The following POLE variants were observed in gnomAD, a reference collection of about 807,000 sequenced individuals.
POLE encodes DNA polymerase epsilon catalytic subunit A.
In POLE, 188 loss-of-function variants were observed where a neutral mutation model predicts 279.2. The ratio of observed to expected loss-of-function variants is 0.67; its 90% CI spans 0.60 to 0.76. The LOEUF (loss-of-function observed/expected upper bound fraction) is 0.76. Among genes scored for constraint, POLE ranks in the 30% least tolerant of loss-of-function variants. The pLI is 0.00. For missense variants in POLE, 2,703 were observed against 3,016.7 expected (o/e 0.90, Z 2.44); for synonymous variants, 1,214 against 1,172.5 (o/e 1.04, Z -0.72).
intron 23 of POLE, among the ~76,000 whole-genome samples, chr12:132,663,076 G>A (rs545683976): frequency 1.3e-5 from 2 of 152,286 alleles, no homozygotes; most frequent in African/African-American, 2.4e-5. Context: ...CATCAGCAAC[G>A]CTAACACAGT....
chr12:132,642,433 G>T (rs564288101), intron 37 of POLE, 36 bp from the exon 38 acceptor site: 1 of 1,592,736 alleles, frequency 6.3e-7, no homozygotes. Flanking sequence ...GGGGCACATC[G>T]CCGGGTCACA....
chr12:132,671,262 C>CAAA (rs397850854), intron 16 of POLE, among the ~76,000 whole-genome samples: 10 of 64,474 alleles, frequency 1.6e-4, no homozygotes, highest in South Asian at 6.8e-4. Context: ...GACTCCGTCT[C>CAAA]AAAAAAAAAA....
At position 132,643,582 on chromosome 12, in the gene POLE, G is replaced by A. The variant is rs759282531; in HGVS notation, c.4291-22C>T. 2 of 1,613,684 alleles carry A rather than the reference G, an allele frequency of 1.2e-6. No homozygotes were observed. Among genetic ancestry groups the A allele is most frequent in the Non-Finnish European group, 1.7e-6 (2 of 1,179,878 alleles). On this transcript the variant is annotated intron_variant, in intron 33 of 48. Transcript: ENST00000320574. ...GAACCTGGAAGAATCGGGCAGACAG[G>A]CCGGCAAGGGCTGGATGGTGGGGGC...
chr12:132,640,090 TC>T (rs1266415510), intron 39 of POLE, among the ~76,000 whole-genome samples: 2 of 152,056 alleles, frequency 1.3e-5, no homozygotes, highest in African/African-American at 2.4e-5. Flanking sequence ...TCCCGCCACT[TC>T]CTTTAAATGG....
At chr12:132,678,040 T>C (rs2043095586) in intron 6 of POLE, among the ~76,000 whole-genome samples, 1 of 151,910 alleles carries the variant, frequency 6.6e-6, no homozygotes, top group Admixed American at 6.6e-5. Flanking sequence ...TAGCCAGGCG[T>C]GGTGGCGCAT....
intron 27 of POLE, 150 bp from the exon 28 acceptor site, chr12:132,657,579 A>G: frequency 1.4e-6 from 1 of 723,962 alleles, no homozygotes; most frequent in East Asian, 2.7e-5. Flanking sequence ...ACAACAGAGG[A>G]CACCAAGGCA....
At chr12:132,665,701 A>C (rs537134472) in intron 20 of POLE, among the ~76,000 whole-genome samples, 1 of 152,158 alleles carries the variant, frequency 6.6e-6, no homozygotes, top group Admixed American at 6.5e-5. Context: ...CTGACATCCT[A>C]AACGCTTCAG....
At chr12:132,686,840 T>C (rs894491736) in intron 1 of POLE, among the ~76,000 whole-genome samples, 29 of 151,264 alleles carry the variant, frequency 1.9e-4, no homozygotes, top group African/African-American at 4.4e-4. Context: ...CCCCCAGCGC[T>C]AGGCCCCCAG....
intron 32 of POLE, among the ~76,000 whole-genome samples, chr12:132,648,036 G>A (rs1237648414): frequency 6.6e-6 from 1 of 152,138 alleles, no homozygotes; most frequent in Non-Finnish European, 1.5e-5. Context: ...CACTTCTTAC[G>A]TGATTCACAG....
chr12:132,658,775 TGA>T (rs2042607084), intron 26 of POLE: 1 of 156,340 alleles, frequency 6.4e-6, no homozygotes, highest in South Asian at 1.7e-4. Flanking sequence ...AAGCCCTGTG[TGA>T]CCCCAACCTA....
At chr12:132,673,390 AG>A (rs1331510229) in intron 13 of POLE, 113 bp from the exon 14 acceptor site, 1 of 1,147,092 alleles carries the variant, frequency 8.7e-7, no homozygotes, top group Non-Finnish European at 1.3e-6. Context: ...CACAGTAAGG[AG>A]ACCGGCACAG....
intron 40 of POLE, 108 bp from the exon 41 acceptor site, chr12:132,638,247 A>T: frequency 1.1e-6 from 1 of 951,924 alleles, no homozygotes; most frequent in Non-Finnish European, 1.5e-6. Context: ...GAAGCAGAAA[A>T]GCCTCCGAGA....
rs2041993956 is a variant in POLE at position 132,634,336 on chromosome 12, T to C, written c.5854A>G (p.Asn1952Asp). Residue 1952 changes from asparagine to aspartate, a missense_variant, in exon 43 of 49, where the codon AAT becomes GAT. By Grantham distance (23) the Asn-to-Asp change is conservative (BLOSUM62 1). Around this residue, in one of 5 missense-constraint regions of POLE, gnomAD observed 1,551 missense variants for 1,686.1 expected, o/e 0.92. Transcript: ENST00000320574. The surrounding 1 kb of genome is among the most constrained non-coding windows in gnomAD (Gnocchi z 4.0). ...KAGGAEDEQE[N>D]EDDEEERDGE... The stretch of plus-strand genomic sequence containing the variant: ...TCTCTTTCCTCCTCATCGTCCTCAT[T>C]TTCCTGCTCATCCTCTGCTCCCCCT... 6.2e-7 allele frequency: 1 copy of C among 1,614,058 alleles called. No individual in the cohort carries two copies. Among genetic ancestry groups the C allele is most frequent in the South Asian group, 1.1e-5 (1 of 91,066 alleles).
Position 132,668,355 on chromosome 12 carries a change from C to A in POLE, c.2173+1G>T, listed in dbSNP as rs2135974383. On this transcript the variant is annotated splice_donor_variant, in intron 19 of 48. Coordinates refer to ENST00000320574, the MANE Select transcript of POLE (RefSeq NM_006231.4). LOFTEE classifies it high-confidence loss of function. This position sits in a 1 kb window ranked among gnomAD's most constrained non-coding sequence, Gnocchi z 4.0. Reference sequence around the variant, plus strand: ...AGCCGTGACCATGCCCAGGCACTCACCCGCCAGCCTTCTCTTCTCGTATTT... The same window carrying A: ...AGCCGTGACCATGCCCAGGCACTCAACCGCCAGCCTTCTCTTCTCGTATTT... 1.3e-6 allele frequency: 2 copies of A among 1,566,392 alleles called. No individual in the cohort carries two copies. The highest frequency in any genetic ancestry group is 1.7e-6 in the Non-Finnish European group (2 of 1,154,688).
At chr12:132,630,475 C>T (rs553409768) in intron 45 of POLE, among the ~76,000 whole-genome samples, 5 of 152,172 alleles carry the variant, frequency 3.3e-5, no homozygotes, top group Admixed American at 1.3e-4. Flanking sequence ...CACAGCCAGG[C>T]GTGGTGGCTC....
chr12:132,665,553 T>C (rs942968589), intron 20 of POLE, 103 bp from the exon 21 acceptor site: 2 of 1,311,988 alleles, frequency 1.5e-6, no homozygotes, highest in African/African-American at 1.5e-5. Context: ...TTCAAATCTA[T>C]AGAAAACCTA....
intron 45 of POLE, 96 bp from the exon 46 acceptor site, chr12:132,626,413 C>G: frequency 8.4e-7 from 1 of 1,191,454 alleles, no homozygotes; most frequent in Non-Finnish European, 1.2e-6. Flanking sequence ...CTACAGTTTC[C>G]TGGTGTCCTT....
In POLE at chr12:132,661,337, G is replaced by A. The variant is rs1353871192; in HGVS notation, c.2865-173C>T. ...CTGCTTCTCTAAAAGGAAAATGGCT[G>A]AAGGGCCTGCAGCCACAGAGCCAGA... is the stretch of plus-strand genomic sequence containing the variant. On this transcript the variant is annotated intron_variant, in intron 24 of 48. Coordinates refer to ENST00000320574, the MANE Select transcript of POLE (RefSeq NM_006231.4). This position sits in a 1 kb window ranked among gnomAD's most constrained non-coding sequence, Gnocchi z 4.1. Among the ~76,000 whole-genome samples, 1 of 152,176 alleles carries A rather than the reference G, an allele frequency of 6.6e-6. No individual in the cohort carries two copies. The highest frequency in any genetic ancestry group is 2.4e-5 in the African/African-American group (1 of 41,434).
chr12:132,632,998 C>G (rs543983503), intron 43 of POLE: 6 of 578,702 alleles, frequency 1.0e-5, no homozygotes, highest in African/African-American at 7.5e-5. Context: ...TCGCTGACAC[C>G]TGAGTTCATT....
Sources: allele counts gnomAD v4.1 joint callset (sites outside exome capture counted in the v4.1 genomes callset), GRCh38; gene constraint gnomAD v4.1.1; regional missense constraint gnomAD v4.1.1; non-coding constraint Gnocchi (gnomAD v3.1); transcripts MANE v1.5; gene names NCBI Gene and HGNC (gene_info 2026-07-23, HGNC 2026-07-21).